Variants in CUL9 observed in about 807,000 individuals in gnomAD.
CUL9 encodes cullin-9.
In CUL9, 79 loss-of-function variants were observed where a neutral mutation model predicts 272.6. The observed-to-expected ratio is 0.29, with a 90% CI of 0.24 to 0.35. The LOEUF (loss-of-function observed/expected upper bound fraction) is 0.35. CUL9 is among the 10% of genes least tolerant of loss of function. CUL9 has a pLI of 1.00. For missense variants in CUL9, 2,532 were observed against 3,255.6 expected, an observed-to-expected ratio of 0.78 and a Z score of 5.41; for synonymous variants, 1,186 against 1,286.5, an observed-to-expected ratio of 0.92 and a Z score of 1.67.
Position 43,197,324 on chromosome 6 carries a change from G to A in CUL9, c.2803+462G>A, listed in dbSNP as rs1331114442. Among the ~76,000 whole-genome samples, 7 of 152,058 alleles carry A rather than the reference G, an allele frequency of 4.6e-5. No individual in the cohort carries two copies. In the East Asian group the frequency reaches 9.7e-4, roughly 21 times the overall value. Reference sequence around the variant, plus strand: ...GCCTCCCAAAGTGCTGGGATTGCAGGTGTGAGCCACTGCACCTGGCTGGAA... The same window carrying A: ...GCCTCCCAAAGTGCTGGGATTGCAGATGTGAGCCACTGCACCTGGCTGGAA... On this transcript the variant is annotated intron_variant, in intron 11 of 40. Coordinates refer to ENST00000252050, the MANE Select transcript of CUL9 (RefSeq NM_015089.4).
chr6:43,221,299 G>A lies in CUL9; in HGVS notation c.6730G>A (p.Glu2244Lys), dbSNP rs1351598490. 5 of 1,607,706 alleles carry A rather than the reference G, an allele frequency of 3.1e-6. No individual in the cohort carries two copies. Among genetic ancestry groups the A allele is most frequent in the Non-Finnish European group, 3.4e-6 (4 of 1,179,516 alleles). ...CTGTCCCAGCTGTCAGGCTCCCATCGAGAAGAACGAGGGGTGCCTGCAGTA... is the reference window on the plus strand; with the variant it reads ...CTGTCCCAGCTGTCAGGCTCCCATCAAGAAGAACGAGGGGTGCCTGCAGTA... ...KRCPSCQAPI[E>K]KNEGCLHMTC... Residue 2244 changes from glutamate (E) to lysine (K), a missense_variant, in exon 34 of 41, where the codon GAG (glutamate) becomes AAG (lysine). Coordinates refer to ENST00000252050, the MANE Select transcript of CUL9 (RefSeq NM_015089.4). The surrounding 1 kb of genome is among the most constrained non-coding windows in gnomAD (Gnocchi z 4.2).
chr6:43,203,821 ATTAATCCTCCGCCAT>A lies in CUL9; in HGVS notation c.4026-32_4026-18del. On this transcript the variant is annotated intron_variant, in intron 19 of 40. Transcript: ENST00000252050. The surrounding 1 kb of genome is among the most constrained non-coding windows in gnomAD (Gnocchi z 5.0). ...TGGAGGCCTCTGGGAAATCGGTGCC[ATTAATCCTCCGCCAT>A]GCACTGTTTGTTCCCAGACTGAACA... 1 of 1,574,822 alleles carries A rather than the reference ATTAATCCTCCGCCAT, an allele frequency of 6.3e-7. No homozygotes were observed. Among genetic ancestry groups the A allele is most frequent in the Non-Finnish European group, 8.7e-7 (1 of 1,155,590 alleles).
intron 22 of CUL9, 29 bp from the exon 23 acceptor site, chr6:43,204,904 T>C: frequency 6.2e-7 from 1 of 1,609,934 alleles, no homozygotes. Context: ...GGCTGCTCCT[T>C]TTATGTCATT....
rs527880986 is a variant in CUL9, at chr6:43,206,541, C to G, written c.5212+31C>G. 8.1e-6 allele frequency: 13 copies of G among 1,605,944 alleles called. No individual in the cohort carries two copies. Among genetic ancestry groups the G allele is most frequent in the African/African-American group, 8.0e-5 (6 of 74,780 alleles). On this transcript the variant is annotated intron_variant, in intron 26 of 40. Transcript: ENST00000252050. This position sits in a 1 kb window ranked among gnomAD's most constrained non-coding sequence, Gnocchi z 4.8. ...GAACTAGGGAGAGGAAATTGGAGAT[C>G]GGGGTGAGATTCGGGGTGGCAAGAG...
In CUL9 at chr6:43,206,399, T is replaced by G. The variant is rs1334920722; in HGVS notation, c.5101T>G (p.Ser1701Ala). Residue 1701 changes from serine to alanine, a missense_variant, in exon 26 of 41, where the codon TCA becomes GCA. Around this residue, in one of 3 missense-constraint regions of CUL9, gnomAD observed 2,218 missense variants for 2,788.6 expected, o/e 0.80. Transcript: ENST00000252050. The surrounding 1 kb of genome is among the most constrained non-coding windows in gnomAD (Gnocchi z 4.8). ...PSPAISILVL[S>A]PRCWPVSPLC... ...TCCAGCCATTTCTATACTGGTCCTG[T>G]CACCACGCTGCTGGCCCGTCTCCCC... 1.2e-6 allele frequency: 2 copies of G among 1,614,186 alleles called. No individual in the cohort carries two copies. Among genetic ancestry groups the G allele is most frequent in the Admixed American group, 3.3e-5 (2 of 60,022 alleles).
chr6:43,202,973 A>G, intron 17 of CUL9, 136 bp from the exon 18 acceptor site: 1 of 1,202,332 alleles, frequency 8.3e-7, no homozygotes, highest in Non-Finnish European at 1.2e-6. Context: ...TTAGGGATGC[A>G]GAGCCACGTC....
At chr6:43,195,302 T>TTTTATTTTAATTTATATAAATTAAA in intron 9 of CUL9, among the ~76,000 whole-genome samples, 2 of 152,328 alleles carry the variant, frequency 1.3e-5, no homozygotes, top group Non-Finnish European at 2.9e-5. Context: ...TCCACTCTGA[T>TTTTATTTTAATTTATATAAATTAAA]TGTATAGTGT....
Position 43,199,936 on chromosome 6 carries a change from A to G in CUL9, c.3164A>G (p.Gln1055Arg). 3 of 1,613,670 alleles carry G rather than the reference A, an allele frequency of 1.9e-6. No individual in the cohort carries two copies. The highest frequency in any genetic ancestry group is 1.3e-5 in the African/African-American group (1 of 75,020). ...SGPSSDSEIV[Q>R]ELTCFLHRLA... is the part of the protein sequence containing the mutation. ...ATGTGGCTCTGGGCTCAGATTGTTCAGGAGCTGACCTGCTTCCTACATCGC... is the reference window on the plus strand; with the variant it reads ...ATGTGGCTCTGGGCTCAGATTGTTCGGGAGCTGACCTGCTTCCTACATCGC... The change falls in exon 14 of 41, where the codon CAG (glutamine) becomes CGG (arginine). Residue 1055 changes from glutamine (Q) to arginine (R), a missense_variant. Transcript: ENST00000252050. The surrounding 1 kb of genome is among the most constrained non-coding windows in gnomAD (Gnocchi z 4.4).
At position 43,205,064 on chromosome 6, in the gene CUL9, C is replaced by G; in HGVS notation, c.4581C>G (p.Arg1527=). 1 of 1,608,988 alleles carries G rather than the reference C, an allele frequency of 6.2e-7. No homozygotes were observed. The highest frequency in any genetic ancestry group is 1.3e-5 in the African/African-American group (1 of 74,958). The part of the protein sequence containing the change: ...GPRAAFMLAL[R]SGFSGALLQQ... ...GGGCAGCCTTCATGCTGGCTCTGCG[C>G]AGTGGCTTCTCTGGCGCCTTGCTGC... The change falls in exon 23 of 41, where the codon CGC becomes CGG. Residue 1527 remains arginine (R), a synonymous_variant. Transcript: ENST00000252050.
rs1482664501 is a variant in CUL9, at chr6:43,200,904, A to T, written c.3647+70A>T. The stretch of plus-strand genomic sequence containing the variant: ...TTCCCCAAAGCACCCAGATACACAC[A>T]ACCCCAGCTATAACCCCAATGCCTG... On this transcript the variant is annotated intron_variant, in intron 16 of 40. Transcript: ENST00000252050. The surrounding 1 kb of genome is among the most constrained non-coding windows in gnomAD (Gnocchi z 4.0). The T allele has an allele frequency of 4.4e-6, 7 of 1,585,504 alleles. No individual in the cohort carries two copies. The East Asian group carries it at 1.6e-4, about 36-fold the overall frequency.
intron 26 of CUL9, among the ~76,000 whole-genome samples, chr6:43,211,520 T>C (rs915564101): frequency 6.6e-6 from 1 of 152,112 alleles, no homozygotes; most frequent in Admixed American, 6.5e-5. Context: ...ATCGTGCCAC[T>C]GCACTCCAGC....
At position 43,212,947 on chromosome 6, in the gene CUL9, C is replaced by A. The variant is rs1328632879; in HGVS notation, c.5213-202C>A. On this transcript the variant is annotated intron_variant, in intron 26 of 40. Transcript: ENST00000252050. The stretch of plus-strand genomic sequence containing the variant: ...GCTAGGCGCTGGGTCTAGGGATGGG[C>A]TCCTAGATACCCGTGGCTCATCAGG... The A allele has an allele frequency of 4.7e-5, 28 of 597,112 alleles. No homozygotes were observed. In the Admixed American group the frequency reaches 8.4e-4, roughly 18 times the overall value. 37.0% of individuals were successfully genotyped at this position (597,112 alleles called of 1,614,324 possible). A position where few individuals can be genotyped will look rare whatever the true frequency, so the allele number is the denominator to read the frequency against.
At position 43,199,270 on chromosome 6, in the gene CUL9, A is replaced by G. The variant is rs760582436; in HGVS notation, c.3055A>G (p.Ile1019Val). Residue 1019 changes from isoleucine (I) to valine (V), a missense_variant, in exon 13 of 41, where the codon ATA becomes GTA. This residue lies in a region of CUL9 where 2,218 missense variants were observed against 2,788.6 expected (regional missense o/e 0.80). Coordinates refer to ENST00000252050, the MANE Select transcript of CUL9 (RefSeq NM_015089.4). The surrounding 1 kb of genome is among the most constrained non-coding windows in gnomAD (Gnocchi z 4.4). ...TCGTTTCTACCCCCTCACCAGGGTC[A>G]TAACCCGACTGCTGGATTTCCCTGA... ...KTLLLSVLRV[I>V]TRLLDFPEAM... is the part of the protein sequence containing the mutation. The G allele has an allele frequency of 1.8e-5, 29 of 1,612,866 alleles. No homozygotes were observed. The highest frequency in any genetic ancestry group is 2.2e-5 in the Non-Finnish European group (26 of 1,179,294).
chr6:43,182,536 C>G (rs929762356), intron 1 of CUL9, among the ~76,000 whole-genome samples: 1 of 151,984 alleles, frequency 6.6e-6, no homozygotes, highest in Non-Finnish European at 1.5e-5. Context: ...CACCCCCACA[C>G]CTCAGTTTAT....
intron 26 of CUL9, among the ~76,000 whole-genome samples, chr6:43,209,114 G>T (rs946148918): frequency 6.6e-6 from 1 of 150,994 alleles, no homozygotes; most frequent in East Asian, 1.9e-4. Context: ...ACTGTGCCCA[G>T]CCTCCATATT....
rs146646487 is a variant in CUL9, at chr6:43,198,828, A to G, written c.3023A>G (p.Asn1008Ser). The part of the protein sequence containing the change: ...LLRTLDAPGP[N>S]KTLLLSVLRV... ...CGGACTCTGGATGCTCCGGGGCCCAACAAGACTCTGCTGCTGTCTGTGCTG... is the reference window on the plus strand; with the variant it reads ...CGGACTCTGGATGCTCCGGGGCCCAGCAAGACTCTGCTGCTGTCTGTGCTG... Residue 1008 changes from asparagine to serine, a missense_variant, in exon 12 of 41, where the codon AAC becomes AGC. Around this residue, in one of 3 missense-constraint regions of CUL9, gnomAD observed 2,218 missense variants for 2,788.6 expected, o/e 0.80. Transcript: ENST00000252050. 1.2e-5 allele frequency: 20 copies of G among 1,613,600 alleles called. No individual in the cohort carries two copies. The highest frequency in any genetic ancestry group is 1.7e-5 in the Non-Finnish European group (20 of 1,180,048).
chr6:43,202,782 G>A lies in CUL9; in HGVS notation c.3714G>A (p.Gly1238=). The A allele has an allele frequency of 2.5e-6, 4 of 1,614,124 alleles. No homozygotes were observed. The South Asian group carries it at 3.3e-5, about 13-fold the overall frequency. Reference sequence around the variant, plus strand: ...TGCCAGCCAGGGTGGTGGTGTTTGGGGGTGACAGCACCAGCTGCATCGGCA... The same window carrying A: ...TGCCAGCCAGGGTGGTGGTGTTTGGAGGTGACAGCACCAGCTGCATCGGCA... ...SYMPARVVVF[G]GDSTSCIGTE... is the part of the protein sequence containing the mutation. The change falls in exon 17 of 41, where the codon GGG becomes GGA. Residue 1238 remains glycine, a synonymous_variant. Coordinates refer to ENST00000252050, the MANE Select transcript of CUL9 (RefSeq NM_015089.4).
rs1260243342 is a variant in CUL9, at chr6:43,221,367, A to G, written c.6752+46A>G. The G allele has an allele frequency of 9.0e-6, 8 of 886,514 alleles. No individual in the cohort carries two copies. The highest frequency in any genetic ancestry group is 2.4e-5 in the Admixed American group (1 of 42,034). The allele number at this position is 886,514 out of a possible 1,614,324, so 54.9% of individuals were successfully genotyped here. On this transcript the variant is annotated intron_variant, in intron 34 of 40. Coordinates refer to ENST00000252050, the MANE Select transcript of CUL9 (RefSeq NM_015089.4). This position sits in a 1 kb window ranked among gnomAD's most constrained non-coding sequence, Gnocchi z 4.2. ...GGGAGCCAGAGGGCAAGGAGGGGGG[A>G]GGAGGCCTGGCAGAAGGAGGGGGGA...
chr6:43,204,009 C>T (rs777375624), intron 20 of CUL9, 22 bp downstream of exon 20: 2 of 1,576,158 alleles, frequency 1.3e-6, no homozygotes, highest in Non-Finnish European at 1.7e-6. Flanking sequence ...GACACCTGGC[C>T]CCACTAACCA....
Sources: gnomAD v4.1 joint callset for allele counts (sites outside exome capture counted in the v4.1 genomes callset) on GRCh38, gnomAD v4.1.1 for gene constraint, gnomAD v4.1.1 regional missense constraint, Gnocchi (gnomAD v3.1) non-coding constraint, MANE v1.5 for transcripts, NCBI Gene and HGNC (gene_info 2026-07-23, HGNC 2026-07-21) for gene names.